The following RAB19 variants were observed in gnomAD, a reference collection of about 807,000 sequenced individuals.
The protein encoded by RAB19 is RAB19, member RAS oncogene family, also known as ras-related protein Rab-19.
A neutral mutation model predicts 17.3 loss-of-function variants in RAB19; 21 were observed. The ratio of observed to expected loss-of-function variants is 1.21; its 90% confidence interval spans 0.86 to 1.74. The LOEUF is 1.74. Among genes scored for constraint, RAB19 ranks in the 40% most tolerant of loss-of-function variants. The pLI is 0.00. For synonymous variants in RAB19, 126 were observed against 110.4 expected (o/e 1.14, Z -0.88); for missense variants, 277 against 286.8 (o/e 0.97, Z 0.25).
chr7:140,423,749 G>A (rs1256059681), intron 3 of RAB19, among the ~76,000 whole-genome samples: 2 of 152,194 alleles, frequency 1.3e-5, no homozygotes, highest in East Asian at 3.8e-4. Flanking sequence ...CTTTGACTGT[G>A]GTGGTGATTG....
Position 140,415,410 on chromosome 7 carries a change from T to G in RAB19, c.385+3353T>G, listed in dbSNP as rs138777953. Among the ~76,000 whole-genome samples, 280 of 152,252 alleles carry G rather than the reference T, an allele frequency of 1.8e-3. 3 individuals carry two copies. The highest frequency in any genetic ancestry group is 6.3e-3 in the African/African-American group (263 of 41,546). Reference sequence around the variant, plus strand: ...CTCTGTCTCATAACTTTCTTCAACATCTGATATTTGTCCCTCTAAAGATCT... The same window carrying G: ...CTCTGTCTCATAACTTTCTTCAACAGCTGATATTTGTCCCTCTAAAGATCT... On this transcript the variant is annotated intron_variant, in intron 3 of 3. Transcript: ENST00000537763.
chr7:140,410,127 T>C (rs1053399191), intron 2 of RAB19, among the ~76,000 whole-genome samples: 4 of 151,290 alleles, frequency 2.6e-5, no homozygotes, highest in Non-Finnish European at 5.9e-5. Flanking sequence ...GATAGGTGTA[T>C]GAGGTTCTTT....
Position 140,426,179 on chromosome 7 carries a change from A to G in RAB19, c.*29A>G. The G allele has an allele frequency of 6.3e-7, 1 of 1,597,252 alleles. No individual in the cohort carries two copies. Among genetic ancestry groups the G allele is most frequent in the Non-Finnish European group, 8.5e-7 (1 of 1,171,038 alleles). Reference sequence around the variant, plus strand: ...GTTTGCAAAGCCAGTTGCACCCACCAAAGAGGCCGCCTCTGAAACCAAAGG... The same window carrying G: ...GTTTGCAAAGCCAGTTGCACCCACCGAAGAGGCCGCCTCTGAAACCAAAGG... On this transcript the variant is annotated 3_prime_UTR_variant, in exon 4 of 4. Transcript: ENST00000537763.
At chr7:140,412,461 A>T (rs555750119) in intron 3 of RAB19, among the ~76,000 whole-genome samples, 2 of 152,090 alleles carry the variant, frequency 1.3e-5, no homozygotes, top group Admixed American at 1.3e-4. Context: ...GGGGGAAAAA[A>T]AATGTGTAAG....
intron 3 of RAB19, among the ~76,000 whole-genome samples, chr7:140,420,694 C>T (rs1034325718): frequency 4.6e-5 from 7 of 151,948 alleles, no homozygotes; most frequent in African/African-American, 1.7e-4. Context: ...GGGTGCTGTC[C>T]CCACTAGGGC....
In RAB19 at chr7:140,426,037, G is replaced by A. The variant is rs745326291; in HGVS notation, c.541G>A (p.Ala181Thr). The A allele has an allele frequency of 3.3e-5, 54 of 1,614,022 alleles. 1 individual carries two copies. The South Asian group carries it at 4.8e-4, about 14-fold the overall frequency. ...CGTGCTCATGGCCAAGGAGCTGATC[G>A]CGCGCAACAGCCTGCACCTATATGG... ...VFVLMAKELIARNSLHLYGES... is the reference protein window; with the variant it reads ...VFVLMAKELITRNSLHLYGES... Residue 181 changes from alanine (A) to threonine (T), a missense_variant, in exon 4 of 4, where the codon GCG becomes ACG. By Grantham distance (58) the Ala-to-Thr change is moderately conservative. Coordinates refer to ENST00000537763, the MANE Select transcript of RAB19 (RefSeq NM_001008749.3).
At chr7:140,417,294 C>G (rs1799478238) in intron 3 of RAB19, among the ~76,000 whole-genome samples, 1 of 151,340 alleles carries the variant, frequency 6.6e-6, no homozygotes, top group Non-Finnish European at 1.5e-5. Flanking sequence ...CTCAGCTACT[C>G]TGGAGACTGA....
At chr7:140,416,806 C>T (rs986755187) in intron 3 of RAB19, among the ~76,000 whole-genome samples, 1 of 152,076 alleles carries the variant, frequency 6.6e-6, no homozygotes, top group African/African-American at 2.4e-5. Flanking sequence ...AGTTAGAATC[C>T]AGCTGGGCGC....
chr7:140,410,420 G>A lies in RAB19; in HGVS notation c.202-1454G>A, dbSNP rs147551067. 6.1e-3 allele frequency among the ~76,000 whole-genome samples: 831 copies of A among 136,026 alleles called. 6 individuals carry two copies. Among genetic ancestry groups the A allele is most frequent in the African/African-American group, 0.021 (765 of 36,104 alleles). 89.2% of individuals were successfully genotyped at this position (136,026 alleles called of 152,430 possible). On this transcript the variant is annotated intron_variant, in intron 2 of 3. Coordinates refer to ENST00000537763, the MANE Select transcript of RAB19 (RefSeq NM_001008749.3). ...CGGCTCACTGTAAGCTCCGCTTCCC[G>A]GGTTCACGCCATTCTCCTGCCTCAG...
chr7:140,424,936 C>T (rs1161629907), intron 3 of RAB19, among the ~76,000 whole-genome samples: 1 of 151,840 alleles, frequency 6.6e-6, no homozygotes, highest in Non-Finnish European at 1.5e-5. Context: ...CTTTAGATTC[C>T]TGCCTCAGGG....
intron 2 of RAB19, among the ~76,000 whole-genome samples, chr7:140,410,459 TG>T: frequency 6.6e-6 from 1 of 151,988 alleles, no homozygotes; most frequent in South Asian, 2.1e-4. Context: ...CCCGAGTAGC[TG>T]GGACTACAGG....
rs1423538345 is a variant in RAB19, at chr7:140,426,864, CAG to C, written c.*715_*716del. Among the ~76,000 whole-genome samples the C allele has an allele frequency of 1.6e-5, 2 of 127,600 alleles. No individual in the cohort carries two copies. The highest frequency in any genetic ancestry group is 3.2e-5 in the Non-Finnish European group (2 of 63,070). The allele number at this position is 127,600 out of a possible 152,430, so 83.7% of individuals were successfully genotyped here. On this transcript the variant is annotated 3_prime_UTR_variant, in exon 4 of 4. Coordinates refer to ENST00000537763, the MANE Select transcript of RAB19 (RefSeq NM_001008749.3). ...CTTTTTTTTTTTTTTTTTTTTGAGA[CAG>C]GGTCATACTCTGTCACCCAAGCTGG... is the stretch of plus-strand genomic sequence containing the variant.
At chr7:140,423,439 C>CA (rs59001396) in intron 3 of RAB19, among the ~76,000 whole-genome samples, 13,179 of 130,834 alleles carry the variant, frequency 0.1, 1,013 homozygotes, top group African/African-American at 0.23. Flanking sequence ...GACTACATTT[C>CA]AAAAAAAAAA....
chr7:140,426,706 T>A lies in RAB19; in HGVS notation c.*556T>A, dbSNP rs1045989257. ...GGGGAGCGAAGCCTTTTAGCAGAAATACCAGAAGTACCATCTTGCCAAATG... is the reference window on the plus strand; with the variant it reads ...GGGGAGCGAAGCCTTTTAGCAGAAAAACCAGAAGTACCATCTTGCCAAATG... On this transcript the variant is annotated 3_prime_UTR_variant, in exon 4 of 4. Transcript: ENST00000537763. Among the ~76,000 whole-genome samples, 3 of 152,090 alleles carry A rather than the reference T, an allele frequency of 2.0e-5. No homozygotes were observed. The highest frequency in any genetic ancestry group is 4.4e-5 in the Non-Finnish European group (3 of 68,024).
rs1799333975 is a variant in RAB19 at position 140,410,323 on chromosome 7, T to TTC, written c.202-1550_202-1549insCT. Among the ~76,000 whole-genome samples, 3 of 123,914 alleles carry TTC rather than the reference T, an allele frequency of 2.4e-5. No homozygotes were observed. In the South Asian group the frequency reaches 9.2e-4, roughly 38 times the overall value. 81.3% of individuals were successfully genotyped at this position (123,914 alleles called of 152,430 possible). On this transcript the variant is annotated intron_variant, in intron 2 of 3. Coordinates refer to ENST00000537763, the MANE Select transcript of RAB19 (RefSeq NM_001008749.3). ...AATTTTTGTATTTTTCTTTTTTTTT[T>TTC]TTTTTTTTTTTTTTGAGACGGAGTC... is the stretch of plus-strand genomic sequence containing the variant.
chr7:140,410,843 A>G (rs1585417584), intron 2 of RAB19: 1 of 952,604 alleles, frequency 1.0e-6, no homozygotes, highest in East Asian at 5.1e-5. Flanking sequence ...TGAGAATATG[A>G]AGAAATTGCT....
chr7:140,412,134 C>G (rs1799377585), intron 3 of RAB19, 77 bp downstream of exon 3: 2 of 1,397,488 alleles, frequency 1.4e-6, no homozygotes, highest in African/African-American at 1.4e-5. Flanking sequence ...TTTCTAATGA[C>G]AGTGGAAAAT....
intron 2 of RAB19, among the ~76,000 whole-genome samples, chr7:140,410,476 G>A (rs1306199326): frequency 1.3e-5 from 2 of 151,906 alleles, no homozygotes; most frequent in Non-Finnish European, 2.9e-5. Flanking sequence ...ACAGGCGCCC[G>A]CCACGGCGCC....
chr7:140,413,722 TA>T (rs1480243625), intron 3 of RAB19, among the ~76,000 whole-genome samples: 1 of 151,740 alleles, frequency 6.6e-6, no homozygotes, highest in African/African-American at 2.4e-5. Context: ...AATAAATAAA[TA>T]ATAAAAGGCA....
Sources: allele counts gnomAD v4.1 joint callset (sites outside exome capture counted in the v4.1 genomes callset), GRCh38; gene constraint gnomAD v4.1.1; transcripts MANE v1.5; gene names NCBI Gene and HGNC (gene_info 2026-07-23, HGNC 2026-07-21).